THSD7B: variants seen among roughly 807,000 people sequenced by gnomAD.
The protein encoded by THSD7B is thrombospondin type 1 domain containing 7B.
In THSD7B, 138 loss-of-function variants were observed where a neutral mutation model predicts 213.6. That is an observed-to-expected ratio of 0.65 (90% confidence interval 0.56 to 0.74). THSD7B has a LOEUF of 0.74. THSD7B is among the 30% of genes least tolerant of loss of function. THSD7B has a pLI of 0.00. For missense variants in THSD7B, 1,931 were observed against 1,991.5 expected, an observed-to-expected ratio of 0.97 and a Z score of 0.58; for synonymous variants, 742 against 687.0, an observed-to-expected ratio of 1.08 and a Z score of -1.25.
At chr2:137,676,483 T>C in intron 27 of THSD7B, 41 bp from the exon 28 acceptor site, 1 of 1,527,840 alleles carries the variant, frequency 6.5e-7, no homozygotes, top group South Asian at 1.2e-5. Flanking sequence ...AACAGAGCTC[T>C]ATGAACTTAC....
chr2:137,518,798 G>C (rs1350674896), intron 15 of THSD7B, among the ~76,000 whole-genome samples: 1 of 152,192 alleles, frequency 6.6e-6, no homozygotes, highest in African/African-American at 2.4e-5. Flanking sequence ...CATGGCTACG[G>C]CCACTCCTGA....
At chr2:136,814,564 A>G (rs1034115543) in intron 1 of THSD7B, among the ~76,000 whole-genome samples, 3 of 151,940 alleles carry the variant, frequency 2.0e-5, no homozygotes, top group African/African-American at 7.3e-5. Context: ...ACGCCTGGCT[A>G]ATTTTTTGTA....
intron 14 of THSD7B, among the ~76,000 whole-genome samples, chr2:137,434,967 G>T (rs1687262033): frequency 6.6e-6 from 1 of 152,062 alleles, no homozygotes; most frequent in Non-Finnish European, 1.5e-5. Flanking sequence ...AAAACTTACG[G>T]TAGTCTTCAG....
chr2:137,666,919 TA>T (rs1683098348), intron 26 of THSD7B, among the ~76,000 whole-genome samples: 1 of 152,160 alleles, frequency 6.6e-6, no homozygotes, highest in African/African-American at 2.4e-5. Flanking sequence ...AGATCCAGAA[TA>T]ATGTGTACTT....
At chr2:137,125,644 A>G (rs1688617567) in intron 5 of THSD7B, among the ~76,000 whole-genome samples, 1 of 152,142 alleles carries the variant, frequency 6.6e-6, no homozygotes, top group Non-Finnish European at 1.5e-5. Context: ...ACCTCCTCCC[A>G]TGGATCACAA....
At chr2:137,150,573 G>T (rs190568339) in intron 5 of THSD7B, among the ~76,000 whole-genome samples, 1 of 152,182 alleles carries the variant, frequency 6.6e-6, no homozygotes, top group East Asian at 1.9e-4. Context: ...TTCCATGATT[G>T]CAAGTTTCCT....
chr2:137,525,720 G>T (rs1680265528), intron 15 of THSD7B, among the ~76,000 whole-genome samples: 1 of 152,148 alleles, frequency 6.6e-6, no homozygotes, highest in African/African-American at 2.4e-5. Flanking sequence ...AGAAAGTGTA[G>T]CAATGAATGA....
intron 1 of THSD7B, among the ~76,000 whole-genome samples, chr2:136,786,955 T>A (rs1481583188): frequency 6.6e-6 from 1 of 152,168 alleles, no homozygotes; most frequent in Non-Finnish European, 1.5e-5. Context: ...CAGCTTTCTC[T>A]GGGTTAATGG....
intron 16 of THSD7B, among the ~76,000 whole-genome samples, chr2:137,571,752 C>G (rs1272653128): frequency 6.6e-6 from 1 of 152,138 alleles, no homozygotes; most frequent in Non-Finnish European, 1.5e-5. Context: ...AGGCCAAGCA[C>G]CCATGATGCA....
intron 12 of THSD7B, among the ~76,000 whole-genome samples, chr2:137,358,910 GT>G (rs1685193887): frequency 6.6e-6 from 1 of 152,166 alleles, no homozygotes; most frequent in Non-Finnish European, 1.5e-5. Flanking sequence ...GAATGTTTGT[GT>G]TTGTAGGCTC....
At chr2:137,050,970 G>T (rs1400048286) in intron 2 of THSD7B, among the ~76,000 whole-genome samples, 1 of 152,178 alleles carries the variant, frequency 6.6e-6, no homozygotes, top group Non-Finnish European at 1.5e-5. Flanking sequence ...GTGACTTTGT[G>T]CATCCGCTGC....
chr2:136,952,247 G>T (rs1685049568), intron 2 of THSD7B, among the ~76,000 whole-genome samples: 1 of 151,820 alleles, frequency 6.6e-6, no homozygotes, highest in South Asian at 2.1e-4. Flanking sequence ...TGAACTCATT[G>T]AAATTACATT....
At chr2:136,998,373 C>T (rs1475221897) in intron 2 of THSD7B, among the ~76,000 whole-genome samples, 1 of 151,368 alleles carries the variant, frequency 6.6e-6, no homozygotes, top group Non-Finnish European at 1.5e-5. Context: ...TAGGAATATG[C>T]TTTTCTGTCT....
At chr2:137,519,220 C>T (rs1246187164) in intron 15 of THSD7B, among the ~76,000 whole-genome samples, 7 of 147,016 alleles carry the variant, frequency 4.8e-5, no homozygotes, top group Non-Finnish European at 1.0e-4. Context: ...CCACTGCACT[C>T]TAGCCTGGCA....
intron 16 of THSD7B, among the ~76,000 whole-genome samples, chr2:137,563,975 G>C (rs1019301464): frequency 6.6e-6 from 1 of 152,104 alleles, no homozygotes; most frequent in African/African-American, 2.4e-5. Context: ...GGTCTATTTT[G>C]AAATGATTTT....
At chr2:137,313,162 A>T (rs368755801) in intron 12 of THSD7B, among the ~76,000 whole-genome samples, 4 of 152,132 alleles carry the variant, frequency 2.6e-5, no homozygotes, top group African/African-American at 4.8e-5. Context: ...GTAGGTCACT[A>T]AGGACTTGCT....
At chr2:136,834,645 A>C (rs1183427546) in intron 1 of THSD7B, among the ~76,000 whole-genome samples, 2 of 152,110 alleles carry the variant, frequency 1.3e-5, no homozygotes, top group African/African-American at 4.8e-5. Flanking sequence ...ATGGAAATAC[A>C]TTCTATAAAT....
chr2:136,890,504 T>TTTCTTCTTC (rs1553455883), intron 2 of THSD7B, among the ~76,000 whole-genome samples: 1 of 1,330 alleles, frequency 7.5e-4, no homozygotes, highest in African/African-American at 9.5e-4. Context: ...TTTCTTCTCC[T>TTTCTTCTTC]TTCTTCTTCT....
At chr2:137,577,502 C>T (rs1681488404) in intron 17 of THSD7B, among the ~76,000 whole-genome samples, 1 of 151,968 alleles carries the variant, frequency 6.6e-6, no homozygotes. Flanking sequence ...GCCCCGACAC[C>T]TTCCATTCTA....
Sources: gnomAD v4.1 joint callset for allele counts (sites outside exome capture counted in the v4.1 genomes callset) on GRCh38, gnomAD v4.1.1 for gene constraint, MANE v1.5 for transcripts, NCBI Gene and HGNC (gene_info 2026-07-23, HGNC 2026-07-21) for gene names.